Variants in VPS13B observed in about 807,000 individuals in gnomAD.
VPS13B encodes intermembrane lipid transfer protein VPS13B.
Under a neutral mutation model 426.4 loss-of-function variants are expected in VPS13B, and 285 were observed. That is an observed-to-expected ratio of 0.67 (90% confidence interval 0.61 to 0.74). VPS13B has a LOEUF of 0.74. Among genes scored for constraint, VPS13B ranks in the 30% least tolerant of loss-of-function variants. The pLI is 0.00. For synonymous variants in VPS13B, 1,676 were observed against 1,676.4 expected (o/e 1.00, Z 0.01); for missense variants, 4,537 against 4,782.6 (o/e 0.95, Z 1.51).
chr8:99,082,576 TA>T (rs1845545203), intron 3 of VPS13B, among the ~76,000 whole-genome samples: 1 of 152,224 alleles, frequency 6.6e-6, no homozygotes, highest in Non-Finnish European at 1.5e-5. Context: ...GGTTTTCTTC[TA>T]GGGTTTTTAT....
chr8:99,073,354 A>C (rs559493087), intron 3 of VPS13B, among the ~76,000 whole-genome samples: 1 of 152,198 alleles, frequency 6.6e-6, no homozygotes, highest in African/African-American at 2.4e-5. Flanking sequence ...AATTCCTCTA[A>C]TCTATGAACA....
intron 15 of VPS13B, among the ~76,000 whole-genome samples, chr8:99,158,548 A>G (rs1256753065): frequency 6.6e-6 from 1 of 152,166 alleles, no homozygotes; most frequent in Non-Finnish European, 1.5e-5. Flanking sequence ...TTAGGGGCTA[A>G]TGTACCTGGT....
intron 3 of VPS13B, among the ~76,000 whole-genome samples, chr8:99,061,900 CAA>C (rs201871927): frequency 0.019 from 2,906 of 152,226 alleles, 61 homozygotes; most frequent in Non-Finnish European, 0.028. Context: ...GAAATTAAAA[CAA>C]GAGTGTTTGT....
At chr8:99,865,379 T>C (rs1817047443) in intron 58 of VPS13B, among the ~76,000 whole-genome samples, 1 of 152,232 alleles carries the variant, frequency 6.6e-6, no homozygotes, top group Non-Finnish European at 1.5e-5. Flanking sequence ...CCCACTTCTT[T>C]TGGGATGCTT....
chr8:99,229,906 C>T (rs1210564037), intron 17 of VPS13B, among the ~76,000 whole-genome samples: 2 of 152,202 alleles, frequency 1.3e-5, no homozygotes, highest in African/African-American at 4.8e-5. Context: ...CCTGTTTCCA[C>T]ATTCAATAGT....
intron 3 of VPS13B, among the ~76,000 whole-genome samples, chr8:99,042,665 G>A (rs1843016344): frequency 6.6e-6 from 1 of 152,034 alleles, no homozygotes; most frequent in African/African-American, 2.4e-5. Context: ...TTTTGTTTCT[G>A]TTTTTGATAC....
At chr8:99,151,423 G>T (rs1811073004) in intron 14 of VPS13B, among the ~76,000 whole-genome samples, 1 of 151,954 alleles carries the variant, frequency 6.6e-6, no homozygotes, top group Non-Finnish European at 1.5e-5. Context: ...TGCCTTTTGT[G>T]TTATATCTGA....
At chr8:99,123,869 T>G in intron 8 of VPS13B, among the ~76,000 whole-genome samples, 1 of 152,076 alleles carries the variant, frequency 6.6e-6, no homozygotes, top group East Asian at 1.9e-4. Context: ...GATGAGGAAT[T>G]TAGTTTTGGA....
In VPS13B at chr8:99,431,623, A is replaced by G. The variant is rs1019168782; in HGVS notation, c.3169A>G (p.Ile1057Val). 1.2e-6 allele frequency: 2 copies of G among 1,613,498 alleles called. No homozygotes were observed. The highest frequency in any genetic ancestry group is 1.7e-6 in the Non-Finnish European group (2 of 1,179,730). Reference sequence around the variant, plus strand: ...TCCTGAAGAAAGAATGAAGGAATTTATTGGAATTGTTTGGAATGCAGTGAA... The same window carrying G: ...TCCTGAAGAAAGAATGAAGGAATTTGTTGGAATTGTTTGGAATGCAGTGAA... Reference protein sequence around the residue: ...RSPEERMKEFIGIVWNAVKHL... With the variant: ...RSPEERMKEFVGIVWNAVKHL... The change falls in exon 22 of 62, where the codon ATT becomes GTT. Residue 1057 changes from isoleucine to valine, a missense_variant. By Grantham distance (29) the Ile-to-Val change is conservative (BLOSUM62 3). This residue lies in a region of VPS13B where 4,311 missense variants were observed against 4,474.3 expected (regional missense o/e 0.96). Coordinates refer to ENST00000357162, the MANE Select transcript of VPS13B (RefSeq NM_152564.5).
intron 21 of VPS13B, among the ~76,000 whole-genome samples, chr8:99,403,971 T>C (rs1480492007): frequency 6.6e-6 from 1 of 152,208 alleles, no homozygotes; most frequent in African/African-American, 2.4e-5. Flanking sequence ...ACAGGCTTTG[T>C]TTTAGTTTTT....
At chr8:99,332,660 G>A (rs1377746895) in intron 19 of VPS13B, among the ~76,000 whole-genome samples, 1 of 151,588 alleles carries the variant, frequency 6.6e-6, no homozygotes, top group East Asian at 1.9e-4. Flanking sequence ...TAAAAGCACA[G>A]TACAGAAAAC....
chr8:99,859,824 T>C (rs1291639108), intron 57 of VPS13B, among the ~76,000 whole-genome samples: 1 of 152,228 alleles, frequency 6.6e-6, no homozygotes, highest in Non-Finnish European at 1.5e-5. Context: ...CTACACTGTG[T>C]TGCCTCATCA....
chr8:99,174,320 G>A (rs937525359), intron 16 of VPS13B, among the ~76,000 whole-genome samples: 2 of 152,074 alleles, frequency 1.3e-5, no homozygotes, highest in African/African-American at 4.8e-5. Context: ...TCTGCTTTCA[G>A]TTATTTTGAG....
At chr8:99,703,843 C>T (rs973823326) in intron 36 of VPS13B, among the ~76,000 whole-genome samples, 1 of 152,034 alleles carries the variant, frequency 6.6e-6, no homozygotes, top group Non-Finnish European at 1.5e-5. Flanking sequence ...CCTTAGATTT[C>T]GACAAACGAG....
At chr8:99,740,179 C>G (rs181289727) in intron 39 of VPS13B, among the ~76,000 whole-genome samples, 1 of 152,156 alleles carries the variant, frequency 6.6e-6, no homozygotes, top group Non-Finnish European at 1.5e-5. Flanking sequence ...GAGGAATGCA[C>G]AAGCCTCGGT....
At chr8:99,188,703 A>G (rs915554385) in intron 16 of VPS13B, among the ~76,000 whole-genome samples, 1 of 152,014 alleles carries the variant, frequency 6.6e-6, no homozygotes, top group African/African-American at 2.4e-5. Flanking sequence ...TCCAATTTCT[A>G]CCTATTCAGG....
chr8:99,063,728 G>T (rs1844322475), intron 3 of VPS13B, among the ~76,000 whole-genome samples: 1 of 152,200 alleles, frequency 6.6e-6, no homozygotes, highest in Admixed American at 6.5e-5. Context: ...GGTTTTCCCA[G>T]CATGGTGTTT....
Position 99,717,384 on chromosome 8 carries a change from A to G in VPS13B, c.6657+11A>G. On this transcript the variant is annotated intron_variant, in intron 37 of 61. Transcript: ENST00000357162. ...GGAGGTCTACTACAGGTCTGTGGGT[A>G]TTGGCCATATTTTTTTCATAGGTTA... 6.2e-7 allele frequency: 1 copy of G among 1,605,916 alleles called. No individual in the cohort carries two copies. The highest frequency in any genetic ancestry group is 1.1e-5 in the South Asian group (1 of 90,888).
Position 99,511,538 on chromosome 8 carries a change from TG to T in VPS13B, c.4633+27del, listed in dbSNP as rs1821789072. On this transcript the variant is annotated intron_variant, in intron 29 of 61. Transcript: ENST00000357162. ...GTATTGTCTTCTGATTTTTTTTGTC[TG>T]ATTTTAAATAATTTTCTTCTAGAGA... 3 of 1,601,940 alleles carry T rather than the reference TG, an allele frequency of 1.9e-6. No homozygotes were observed. In the East Asian group the frequency reaches 6.7e-5, roughly 36 times the overall value.
Sources: gnomAD v4.1 joint callset for allele counts (sites outside exome capture counted in the v4.1 genomes callset) on GRCh38, gnomAD v4.1.1 for gene constraint, gnomAD v4.1.1 regional missense constraint, MANE v1.5 for transcripts, NCBI Gene and HGNC (gene_info 2026-07-23, HGNC 2026-07-21) for gene names.